LNX2: variants seen among roughly 807,000 people sequenced by gnomAD.
The protein encoded by LNX2 is ligand of Numb protein X 2.
A neutral mutation model predicts 66.2 loss-of-function variants in LNX2; 35 were observed. The observed-to-expected ratio is 0.53, with a 90% CI of 0.40 to 0.70. The LOEUF is 0.70. LNX2 is among the 30% of genes least tolerant of loss of function. LNX2 has a pLI of 0.00. For synonymous variants in LNX2, 337 were observed against 315.6 expected, an observed-to-expected ratio of 1.07 and a Z score of -0.72; for missense variants, 791 against 850.8, an observed-to-expected ratio of 0.93 and a Z score of 0.87.
chr13:27,573,448 A>G (rs1390522978), intron 2 of LNX2, among the ~76,000 whole-genome samples: 1 of 151,888 alleles, frequency 6.6e-6, no homozygotes, highest in African/African-American at 2.4e-5. Context: ...TTGGTTAAAA[A>G]AAAAAAAAAA....
chr13:27,599,719 GATT>G (rs900927662), intron 1 of LNX2, among the ~76,000 whole-genome samples: 16 of 152,298 alleles, frequency 1.1e-4, no homozygotes, highest in African/African-American at 3.6e-4. Flanking sequence ...CTTTCCTGCA[GATT>G]ATGTTAATGG....
chr13:27,616,490 G>A (rs1339090788), intron 1 of LNX2, among the ~76,000 whole-genome samples: 1 of 152,202 alleles, frequency 6.6e-6, no homozygotes. Flanking sequence ...TGTCTCTCAG[G>A]TTAAATTTTA....
At chr13:27,612,156 A>C (rs1287621844) in intron 1 of LNX2, among the ~76,000 whole-genome samples, 1 of 152,238 alleles carries the variant, frequency 6.6e-6, no homozygotes, top group Non-Finnish European at 1.5e-5. Context: ...TCTGCAGACT[A>C]TATAGAAGAG....
chr13:27,560,563 G>GTATATA (rs1382726431), intron 5 of LNX2, among the ~76,000 whole-genome samples: 14 of 50,888 alleles, frequency 2.8e-4, no homozygotes, highest in African/African-American at 2.0e-3. Context: ...ATATGTATGT[G>GTATATA]TGTATATATA....
intron 1 of LNX2, among the ~76,000 whole-genome samples, chr13:27,582,209 T>G (rs1955406727): frequency 6.6e-6 from 1 of 152,054 alleles, no homozygotes; most frequent in South Asian, 2.1e-4. Flanking sequence ...TTTTTGTATT[T>G]TTTTGTAGAG....
Position 27,553,445 on chromosome 13 carries a change from C to A in LNX2, c.1547-6G>T. ...GATATTTAGCAACACATCACCTGTT[C>A]AGATGAAGAAACAAGAAAAATGAGC... On this transcript the variant is annotated splice_polypyrimidine_tract_variant and splice_region_variant and intron_variant, in intron 7 of 9. Transcript: ENST00000316334. 6.2e-7 allele frequency: 1 copy of A among 1,608,118 alleles called. No individual in the cohort carries two copies. Among genetic ancestry groups the A allele is most frequent in the South Asian group, 1.1e-5 (1 of 90,900 alleles).
intron 1 of LNX2, among the ~76,000 whole-genome samples, chr13:27,586,084 A>ACT: frequency 6.7e-6 from 1 of 149,114 alleles, no homozygotes; most frequent in Non-Finnish European, 1.5e-5. Flanking sequence ...ATATATCTAT[A>ACT]TCTATATAAT....
Position 27,581,639 on chromosome 13 carries a change from A to G in LNX2, c.65T>C (p.Leu22Pro). 6.2e-7 allele frequency: 1 copy of G among 1,614,048 alleles called. No homozygotes were observed. Among genetic ancestry groups the G allele is most frequent in the South Asian group, 1.1e-5 (1 of 91,070 alleles). ...GTGCTGTTGGCCACATTCAAAACAC[A>G]GGGGGTTTAGAGAAGAGGAGGAGGT... ...EQTSSSSLNP[L>P]CFECGQQHWT... Residue 22 changes from leucine (L) to proline (P), a missense_variant, in exon 2 of 10, where the codon CTG becomes CCG. By Grantham distance (98) the Leu-to-Pro change is moderately conservative. Transcript: ENST00000316334.
intron 1 of LNX2, among the ~76,000 whole-genome samples, chr13:27,618,155 A>C (rs1427049553): frequency 2.0e-5 from 3 of 152,242 alleles, no homozygotes; most frequent in African/African-American, 7.2e-5. Context: ...CAAACAACCC[A>C]GGATTCATCC....
intron 2 of LNX2, among the ~76,000 whole-genome samples, chr13:27,576,158 T>C (rs1371992131): frequency 6.6e-6 from 1 of 151,962 alleles, no homozygotes; most frequent in Non-Finnish European, 1.5e-5. Context: ...TAAACAGAAA[T>C]TGTACCAAAC....
chr13:27,599,961 G>C (rs1955639293), intron 1 of LNX2, among the ~76,000 whole-genome samples: 1 of 152,150 alleles, frequency 6.6e-6, no homozygotes, highest in Non-Finnish European at 1.5e-5. Context: ...GAAAACCTAA[G>C]AGTAAAGAAT....
intron 1 of LNX2, among the ~76,000 whole-genome samples, chr13:27,605,266 A>G (rs2138463273): frequency 6.6e-6 from 1 of 152,354 alleles, no homozygotes; most frequent in East Asian, 1.9e-4. Flanking sequence ...AGACAGGTGG[A>G]CAGAGATAGA....
rs904382865 is a variant in LNX2, at chr13:27,618,441, C to G, written c.-101+1934G>C. ...TAGAGAATCCCTGAGCACTTAACCC[C>G]TCCATTAGAACAGCCTCCAACTTAG... On this transcript the variant is annotated intron_variant, in intron 1 of 9. Transcript: ENST00000316334. Among the ~76,000 whole-genome samples the G allele has an allele frequency of 7.2e-5, 11 of 152,306 alleles. No individual in the cohort carries two copies. The South Asian group carries it at 2.3e-3, about 32-fold the overall frequency.
chr13:27,573,173 T>C, intron 2 of LNX2, among the ~76,000 whole-genome samples: 1 of 152,060 alleles, frequency 6.6e-6, no homozygotes, highest in East Asian at 1.9e-4. Flanking sequence ...CCCAGAATAT[T>C]GGAAAAGCAA....
chr13:27,548,583 A>C (rs1324717306), intron 9 of LNX2, 113 bp from the exon 10 acceptor site: 14 of 1,089,908 alleles, frequency 1.3e-5, no homozygotes, highest in Non-Finnish European at 1.8e-5. Flanking sequence ...TGAACTGTCA[A>C]TGGTTAGGGT....
chr13:27,618,371 G>A (rs1033999834), intron 1 of LNX2, among the ~76,000 whole-genome samples: 2 of 152,138 alleles, frequency 1.3e-5, no homozygotes, highest in Non-Finnish European at 2.9e-5. Context: ...GAACAAAGAG[G>A]TTTCAGTGTA....
intron 2 of LNX2, among the ~76,000 whole-genome samples, chr13:27,573,343 T>C (rs1955305376): frequency 6.6e-6 from 1 of 151,976 alleles, no homozygotes; most frequent in African/African-American, 2.4e-5. Flanking sequence ...CCCCCTATAC[T>C]TGTTTCCTGT....
rs1274809361 is a variant in LNX2 at position 27,550,358 on chromosome 13, G to A, written c.1912C>T (p.Pro638Ser). Residue 638 changes from proline to serine, a missense_variant, in exon 9 of 10, where the codon CCT becomes TCT. Physicochemically the swap from Pro to Ser is moderately conservative, Grantham distance 74. Coordinates refer to ENST00000316334, the MANE Select transcript of LNX2 (RefSeq NM_153371.4). ...TTTAATCTTCCATCATAATAAGCAG[G>A]AGTTCCCAAGACAATAGTTTTAATG... is the stretch of plus-strand genomic sequence containing the variant. ...FFIKTIVLGT[P>S]AYYDGRLKCG... is the part of the protein sequence containing the mutation. 1 of 1,613,324 alleles carries A rather than the reference G, an allele frequency of 6.2e-7. No homozygotes were observed. The highest frequency in any genetic ancestry group is 8.5e-7 in the Non-Finnish European group (1 of 1,179,714).
intron 5 of LNX2, among the ~76,000 whole-genome samples, chr13:27,561,966 A>G (rs1157067664): frequency 6.6e-6 from 1 of 152,240 alleles, no homozygotes; most frequent in Non-Finnish European, 1.5e-5. Flanking sequence ...CCTTAGAAAC[A>G]ACAACAAAGC....
Sources: gnomAD v4.1 joint callset for allele counts (sites outside exome capture counted in the v4.1 genomes callset) on GRCh38, gnomAD v4.1.1 for gene constraint, MANE v1.5 for transcripts, NCBI Gene and HGNC (gene_info 2026-07-23, HGNC 2026-07-21) for gene names.